The following RTN1 variants were observed in gnomAD, a reference collection of about 807,000 sequenced individuals.
RTN1 encodes reticulon-1.
A neutral mutation model predicts 65.5 loss-of-function variants in RTN1; 25 were observed. That is an observed-to-expected ratio of 0.38 (90% CI 0.28 to 0.53). The LOEUF (loss-of-function observed/expected upper bound fraction) is 0.53, where lower values mean the gene tolerates loss of function less well. RTN1 is among the 20% of genes least tolerant of loss of function. The pLI is 0.79. For missense variants in RTN1, 983 were observed against 1,025.4 expected (o/e 0.96, Z 0.57); for synonymous variants, 471 against 447.6 (o/e 1.05, Z -0.66).
chr14:59,621,220 T>G (rs1882246432), intron 3 of RTN1, among the ~76,000 whole-genome samples: 1 of 152,228 alleles, frequency 6.6e-6, no homozygotes, highest in African/African-American at 2.4e-5. Flanking sequence ...TTACTGGAAT[T>G]AATTACCCCC....
At chr14:59,712,447 A>G (rs1884443156) in intron 3 of RTN1, among the ~76,000 whole-genome samples, 1 of 152,008 alleles carries the variant, frequency 6.6e-6, no homozygotes. Flanking sequence ...GCTTTAGGAA[A>G]CCTCCCGAGA....
At chr14:59,699,264 C>T (rs910645567) in intron 3 of RTN1, among the ~76,000 whole-genome samples, 1 of 151,134 alleles carries the variant, frequency 6.6e-6, no homozygotes, top group Non-Finnish European at 1.5e-5. Context: ...CCCCAACAAC[C>T]TATGGAAATA....
chr14:59,609,167 C>T lies in RTN1; in HGVS notation c.1766-1675G>A, dbSNP rs190472029. On this transcript the variant is annotated intron_variant, in intron 3 of 8. Coordinates refer to ENST00000267484, the MANE Select transcript of RTN1 (RefSeq NM_021136.3). ...GGGCATGGTGGCAGGCACCTGTAATCCCAGCGACTCGGGAGGCTGAGGCAG... is the reference window on the plus strand; with the variant it reads ...GGGCATGGTGGCAGGCACCTGTAATTCCAGCGACTCGGGAGGCTGAGGCAG... Among the ~76,000 whole-genome samples the T allele has an allele frequency of 2.8e-3, 422 of 152,146 alleles. 2 individuals carry two copies. Among genetic ancestry groups the T allele is most frequent in the Middle Eastern group, 6.8e-3 (2 of 294 alleles).
chr14:59,799,340 T>C (rs1886496899), intron 1 of RTN1, among the ~76,000 whole-genome samples: 2 of 152,172 alleles, frequency 1.3e-5, no homozygotes, highest in Non-Finnish European at 2.9e-5. Context: ...AGTGGAAAGC[T>C]TCAGGAGAAC....
Position 59,757,525 on chromosome 14 carries a change from AC to A in RTN1, c.242-11045del, listed in dbSNP as rs1885664325. 2.6e-5 allele frequency among the ~76,000 whole-genome samples: 4 copies of A among 152,142 alleles called. No individual in the cohort carries two copies. In the South Asian group the frequency reaches 8.3e-4, roughly 32 times the overall value. On this transcript the variant is annotated intron_variant, in intron 1 of 8. Coordinates refer to ENST00000267484, the MANE Select transcript of RTN1 (RefSeq NM_021136.3). Reference sequence around the variant, plus strand: ...CCATTTGGAACTGTGAGTCAATTAAACCTCTTTCCTTTATAAATTATCCAGT... The same window carrying A: ...CCATTTGGAACTGTGAGTCAATTAAACTCTTTCCTTTATAAATTATCCAGT...
At chr14:59,828,337 C>T (rs978924402) in intron 1 of RTN1, among the ~76,000 whole-genome samples, 1 of 152,184 alleles carries the variant, frequency 6.6e-6, no homozygotes, top group Non-Finnish European at 1.5e-5. Context: ...AAGAGAGAGC[C>T]TGAGACCGTG....
chr14:59,753,834 T>C (rs751914941), intron 1 of RTN1, among the ~76,000 whole-genome samples: 34 of 152,202 alleles, frequency 2.2e-4, no homozygotes, highest in Admixed American at 9.2e-4. Flanking sequence ...TAAAGTGCCT[T>C]GTTCTAGACT....
At chr14:59,666,275 GA>G (rs1195444417) in intron 3 of RTN1, among the ~76,000 whole-genome samples, 1 of 152,146 alleles carries the variant, frequency 6.6e-6, no homozygotes, top group African/African-American at 2.4e-5. Flanking sequence ...TACAACTCAG[GA>G]TTAAGAAACT....
At chr14:59,839,310 T>A (rs889714422) in intron 1 of RTN1, among the ~76,000 whole-genome samples, 1 of 152,196 alleles carries the variant, frequency 6.6e-6, no homozygotes, top group Non-Finnish European at 1.5e-5. Flanking sequence ...AACCCTATCT[T>A]CCTTTAAAAA....
Position 59,722,099 on chromosome 14 carries a change from A to G in RTN1, c.1765+4820T>C, listed in dbSNP as rs1446143222. Among the ~76,000 whole-genome samples the G allele has an allele frequency of 2.6e-5, 4 of 152,192 alleles. No individual in the cohort carries two copies. The South Asian group carries it at 8.3e-4, about 32-fold the overall frequency. ...TAGCATTTCTATGGGATAAATTCCT[A>G]ACAGTATTCAAAAAGTATGAGAACT... On this transcript the variant is annotated intron_variant, in intron 3 of 8. Coordinates refer to ENST00000267484, the MANE Select transcript of RTN1 (RefSeq NM_021136.3).
chr14:59,847,956 C>T (rs1206552186), intron 1 of RTN1, among the ~76,000 whole-genome samples: 2 of 152,168 alleles, frequency 1.3e-5, no homozygotes, highest in Admixed American at 1.3e-4. Flanking sequence ...TTTAGCCAGG[C>T]CACTCTGCTG....
At chr14:59,679,827 G>A (rs968076684) in intron 3 of RTN1, among the ~76,000 whole-genome samples, 1 of 152,074 alleles carries the variant, frequency 6.6e-6, no homozygotes, top group Non-Finnish European at 1.5e-5. Context: ...TAATTTTCCA[G>A]AGCTTCCATA....
At chr14:59,779,169 GA>G (rs1566724235) in intron 1 of RTN1, among the ~76,000 whole-genome samples, 1 of 151,958 alleles carries the variant, frequency 6.6e-6, no homozygotes, top group Non-Finnish European at 1.5e-5. Context: ...AGTTGTTCAA[GA>G]AAAAGAAACC....
intron 2 of RTN1, among the ~76,000 whole-genome samples, chr14:59,740,847 T>C (rs7147135): frequency 0.47 from 71,074 of 151,996 alleles, 18,667 homozygotes; most frequent in African/African-American, 0.72. Context: ...CTCTAAGATA[T>C]TGGTTATTAC....
rs563364013 is a variant in RTN1, at chr14:59,667,684, A to G, written c.1765+59235T>C. Among the ~76,000 whole-genome samples the G allele has an allele frequency of 3.3e-5, 5 of 152,318 alleles. No homozygotes were observed. In the East Asian group the frequency reaches 9.6e-4, roughly 29 times the overall value. On this transcript the variant is annotated intron_variant, in intron 3 of 8. Coordinates refer to ENST00000267484, the MANE Select transcript of RTN1 (RefSeq NM_021136.3). ...GAAGTCGAATTGTCCCTGTTTGCAG[A>G]TGACATGACTGTATATTTAGAAAAC... is the stretch of plus-strand genomic sequence containing the variant.
intron 2 of RTN1, among the ~76,000 whole-genome samples, chr14:59,729,576 G>C (rs1884857161): frequency 6.6e-6 from 1 of 152,184 alleles, no homozygotes; most frequent in Non-Finnish European, 1.5e-5. Flanking sequence ...ACTTCTGAGT[G>C]GTTGACTAGA....
At chr14:59,749,985 T>TA (rs1885406972) in intron 1 of RTN1, among the ~76,000 whole-genome samples, 2 of 92,826 alleles carry the variant, frequency 2.2e-5, no homozygotes, top group South Asian at 5.2e-4. Flanking sequence ...ATATTATATA[T>TA]TATATACATA....
intron 1 of RTN1, among the ~76,000 whole-genome samples, chr14:59,749,190 A>ATATATATCTATATATATC (rs1885309492): frequency 1.2e-5 from 1 of 85,784 alleles, no homozygotes; most frequent in African/African-American, 6.9e-5. Flanking sequence ...ATATCTATCT[A>ATATATATCTATATATATC]TATATATCTA....
chr14:59,685,546 C>T (rs1883829439), intron 3 of RTN1, among the ~76,000 whole-genome samples: 2 of 151,944 alleles, frequency 1.3e-5, no homozygotes, highest in South Asian at 4.2e-4. Flanking sequence ...AAAAATAAAT[C>T]AAGAAAATAT....
Sources: allele counts gnomAD v4.1 joint callset (sites outside exome capture counted in the v4.1 genomes callset), GRCh38; gene constraint gnomAD v4.1.1; transcripts MANE v1.5; gene names NCBI Gene and HGNC (gene_info 2026-07-23, HGNC 2026-07-21).